SLC6A2: variants seen among roughly 807,000 people sequenced by gnomAD.
The protein encoded by SLC6A2 is sodium-dependent noradrenaline transporter.
Under a neutral mutation model 71.7 loss-of-function variants are expected in SLC6A2, and 26 were observed. That is an observed-to-expected ratio of 0.36 (90% confidence interval 0.27 to 0.50). The LOEUF is 0.50. Among genes scored for constraint, SLC6A2 ranks in the 20% least tolerant of loss-of-function variants. The pLI, the probability that SLC6A2 is intolerant of heterozygous loss-of-function variation, is 0.96. For synonymous variants in SLC6A2, 363 were observed against 337.9 expected (o/e 1.07, Z -0.82); for missense variants, 581 against 803.9 (o/e 0.72, Z 3.35).
At chr16:55,699,206 G>C (rs1198240343) in intron 11 of SLC6A2, among the ~76,000 whole-genome samples, 2 of 152,178 alleles carry the variant, frequency 1.3e-5, no homozygotes, top group South Asian at 2.1e-4. Context: ...TGTGCTGTAT[G>C]CATAGTTGTT....
intron 4 of SLC6A2, among the ~76,000 whole-genome samples, chr16:55,679,203 A>G (rs1965190449): frequency 6.6e-6 from 1 of 151,988 alleles, no homozygotes; most frequent in South Asian, 2.1e-4. Context: ...TAGGGTCAGT[A>G]CATGCCTCTG....
chr16:55,698,629 T>C lies in SLC6A2; in HGVS notation c.1489+61T>C. 2.5e-6 allele frequency: 3 copies of C among 1,181,076 alleles called. No homozygotes were observed. In the South Asian group the frequency reaches 3.7e-5, roughly 14 times the overall value. 73.2% of individuals were successfully genotyped at this position (1,181,076 alleles called of 1,614,324 possible). On this transcript the variant is annotated intron_variant, in intron 11 of 14. Transcript: ENST00000568943. ...CCTCCTAGAATCCTGCACCTGGAGG[T>C]GTGCAGGGAGGCCTTCCATTTCCAG... is the stretch of plus-strand genomic sequence containing the variant.
chr16:55,659,097 T>C (rs572266389), intron 2 of SLC6A2, among the ~76,000 whole-genome samples: 62 of 152,230 alleles, frequency 4.1e-4, no homozygotes, highest in African/African-American at 1.3e-3. Context: ...TAATCAGTAA[T>C]ATTTTTCTGG....
In SLC6A2 at chr16:55,698,866, G is replaced by A. The variant is rs181572640; in HGVS notation, c.1489+298G>A. 3.4e-3 allele frequency among the ~76,000 whole-genome samples: 512 copies of A among 152,202 alleles called. 3 individuals carry two copies. The highest frequency in any genetic ancestry group is 3.6e-3 in the Non-Finnish European group (245 of 68,018). On this transcript the variant is annotated intron_variant, in intron 11 of 14. Coordinates refer to ENST00000568943, the MANE Select transcript of SLC6A2 (RefSeq NM_001172501.3). Reference sequence around the variant, plus strand: ...TTGTCAGATTTAGCAAACACAACACGGGTTGCCTAGTTAAACTTGAATTTC... The same window carrying A: ...TTGTCAGATTTAGCAAACACAACACAGGTTGCCTAGTTAAACTTGAATTTC...
rs773913471 is a variant in SLC6A2 at position 55,697,920 on chromosome 16, C to T, written c.1284C>T (p.Ile428=). The T allele has an allele frequency of 5.0e-6, 8 of 1,613,990 alleles. No homozygotes were observed. Among genetic ancestry groups the T allele is most frequent in the Non-Finnish European group, 6.8e-6 (8 of 1,180,002 alleles). The change falls in exon 10 of 15, where the codon ATC becomes ATT. Residue 428 remains isoleucine, a synonymous_variant. Transcript: ENST00000568943. The part of the protein sequence containing the change: ...DSSMGGMEAV[I]TGLADDFQVL... ...AGATGGGAGGCATGGAGGCTGTCATCACGGGCCTGGCAGATGACTTCCAGG... is the reference window on the plus strand; with the variant it reads ...AGATGGGAGGCATGGAGGCTGTCATTACGGGCCTGGCAGATGACTTCCAGG...
At chr16:55,664,861 C>T (rs1964704953) in intron 2 of SLC6A2, among the ~76,000 whole-genome samples, 1 of 152,146 alleles carries the variant, frequency 6.6e-6, no homozygotes, top group Non-Finnish European at 1.5e-5. Flanking sequence ...TCATGGGAGC[C>T]AAGTGTGCCT....
At chr16:55,679,806 G>A (rs369443610) in intron 4 of SLC6A2, among the ~76,000 whole-genome samples, 1 of 152,192 alleles carries the variant, frequency 6.6e-6, no homozygotes, top group East Asian at 1.9e-4. Flanking sequence ...GGCAAGGCCA[G>A]GGATGAACTT....
At position 55,656,774 on chromosome 16, in the gene SLC6A2, C is replaced by A. The variant is rs371171390; in HGVS notation, c.80C>A (p.Ala27Glu). 3.1e-6 allele frequency: 5 copies of A among 1,613,210 alleles called. No homozygotes were observed. The highest frequency in any genetic ancestry group is 3.4e-6 in the Non-Finnish European group (4 of 1,179,818). The change falls in exon 2 of 15, where the codon GCG (alanine) becomes GAG (glutamate). Residue 27 changes from alanine (A) to glutamate (E), a missense_variant. Ala to Glu is a moderately radical substitution (Grantham distance 107, BLOSUM62 -1). This residue lies in a region of SLC6A2 where 76 missense variants were observed against 79.9 expected (regional missense o/e 0.95). Transcript: ENST00000568943. The surrounding 1 kb of genome is among the most constrained non-coding windows in gnomAD (Gnocchi z 4.5). ...ACGGGTCCAGAGCAGCCCCTTCGGGCGCGCAAAACTGCGGAGCTGCTGGTG... is the reference window on the plus strand; with the variant it reads ...ACGGGTCCAGAGCAGCCCCTTCGGGAGCGCAAAACTGCGGAGCTGCTGGTG... ...ADTGPEQPLR[A>E]RKTAELLVVK... is the part of the protein sequence containing the mutation.
intron 2 of SLC6A2, 46 bp downstream of exon 2, chr16:55,657,014 G>C (rs1964473349): frequency 3.1e-6 from 5 of 1,599,146 alleles, no homozygotes; most frequent in Non-Finnish European, 4.3e-6. Flanking sequence ...GAGGTCCACT[G>C]TCTGCAGCGG....
intron 13 of SLC6A2, 27 bp downstream of exon 13, chr16:55,700,333 C>T (rs1597016732): frequency 6.3e-7 from 1 of 1,595,506 alleles, no homozygotes; most frequent in Non-Finnish European, 8.6e-7. Context: ...CCCAGGGGAA[C>T]AGGGTGGGAG....
chr16:55,666,808 C>G (rs1449928414), intron 2 of SLC6A2, among the ~76,000 whole-genome samples: 2 of 152,176 alleles, frequency 1.3e-5, no homozygotes, highest in Non-Finnish European at 2.9e-5. Context: ...GGTTAACTGG[C>G]TGATGCTGCT....
At chr16:55,664,196 C>T (rs34147942) in intron 2 of SLC6A2, among the ~76,000 whole-genome samples, 14,191 of 152,134 alleles carry the variant, frequency 0.093, 837 homozygotes, top group Non-Finnish European at 0.12. Flanking sequence ...TTTGGCCTGG[C>T]GTATCCTGTC....
At chr16:55,688,243 G>C (rs572331370) in intron 5 of SLC6A2, among the ~76,000 whole-genome samples, 1 of 152,228 alleles carries the variant, frequency 6.6e-6, no homozygotes, top group South Asian at 2.1e-4. Context: ...CATAGCCTCA[G>C]AGCTGGCCTC....
chr16:55,694,589 T>C (rs28394024), intron 7 of SLC6A2, among the ~76,000 whole-genome samples: 151,545 of 152,246 alleles, frequency 1, 75,427 homozygotes, highest in Middle Eastern at 1. Flanking sequence ...ACTTCAGGCA[T>C]AGGCACAAAT....
At chr16:55,666,626 A>G (rs1179788739) in intron 2 of SLC6A2, among the ~76,000 whole-genome samples, 1 of 152,160 alleles carries the variant, frequency 6.6e-6, no homozygotes, top group East Asian at 1.9e-4. Context: ...AAATGCACTC[A>G]CAGAGAAGAG....
intron 4 of SLC6A2, among the ~76,000 whole-genome samples, chr16:55,681,469 G>A (rs533479588): frequency 1.4e-4 from 21 of 152,238 alleles, no homozygotes; most frequent in Admixed American, 2.6e-4. Flanking sequence ...GGCTAGGATG[G>A]GAAGCCAGGT....
At position 55,695,622 on chromosome 16, in the gene SLC6A2, G is replaced by T. The variant is rs183203472; in HGVS notation, c.1147+220G>T. On this transcript the variant is annotated intron_variant, in intron 8 of 14. Coordinates refer to ENST00000568943, the MANE Select transcript of SLC6A2 (RefSeq NM_001172501.3). ...TAGGAGAACCTTCCTCTGAGTCAGG[G>T]TGGAAGGAACGGATTTTGGACTGTC... Among the ~76,000 whole-genome samples, 589 of 152,330 alleles carry T rather than the reference G, an allele frequency of 3.9e-3. 4 individuals carry two copies. The highest frequency in any genetic ancestry group is 0.013 in the African/African-American group (558 of 41,570).
At position 55,703,296 on chromosome 16, in the gene SLC6A2, C is replaced by A. The variant is rs149687663; in HGVS notation, c.*950C>A. ...CTGTCCTCACAAGGCCAGGTGGGTG[C>A]CCAAAGGGAGCCTGACAGGCTGTTG... On this transcript the variant is annotated 3_prime_UTR_variant, in exon 15 of 15. Coordinates refer to ENST00000568943, the MANE Select transcript of SLC6A2 (RefSeq NM_001172501.3). The A allele has an allele frequency of 2.2e-4, 213 of 985,496 alleles. 1 individual carries two copies. In the African/African-American group the frequency reaches 3.4e-3, roughly 16 times the overall value. 61.0% of individuals were successfully genotyped at this position (985,496 alleles called of 1,614,324 possible). A position where few individuals can be genotyped will look rare whatever the true frequency, so the allele number is the denominator to read the frequency against.
In SLC6A2 at chr16:55,692,985, A is replaced by G. The variant is rs143676785; in HGVS notation, c.918+933A>G. ...TATTTGTTCTGTGACTGTTTATGCCAAACCTTTCAGATGTGTAGAAGCTAA... is the reference window on the plus strand; with the variant it reads ...TATTTGTTCTGTGACTGTTTATGCCGAACCTTTCAGATGTGTAGAAGCTAA... On this transcript the variant is annotated intron_variant, in intron 6 of 14. Coordinates refer to ENST00000568943, the MANE Select transcript of SLC6A2 (RefSeq NM_001172501.3). 2.5e-3 allele frequency among the ~76,000 whole-genome samples: 379 copies of G among 152,364 alleles called. 2 individuals carry two copies. The highest frequency in any genetic ancestry group is 8.6e-3 in the African/African-American group (356 of 41,588).
Sources: allele counts gnomAD v4.1 joint callset (sites outside exome capture counted in the v4.1 genomes callset), GRCh38; gene constraint gnomAD v4.1.1; regional missense constraint gnomAD v4.1.1; non-coding constraint Gnocchi (gnomAD v3.1); transcripts MANE v1.5; gene names NCBI Gene and HGNC (gene_info 2026-07-23, HGNC 2026-07-21).